KCNG3: variants seen among roughly 807,000 people sequenced by gnomAD.
KCNG3 encodes the protein potassium voltage-gated channel modifier subfamily G member 3.
A neutral mutation model predicts 29.0 loss-of-function variants in KCNG3; 15 were observed. That is an observed-to-expected ratio of 0.52 (90% CI 0.35 to 0.80). KCNG3 has a LOEUF of 0.80. Among genes scored for constraint, KCNG3 ranks in the 30% least tolerant of loss-of-function variants. KCNG3 has a pLI of 0.01. For synonymous variants in KCNG3, 322 were observed against 248.9 expected, an observed-to-expected ratio of 1.29 and a Z score of -2.76; for missense variants, 512 against 605.7, an observed-to-expected ratio of 0.85 and a Z score of 1.62.
intron 1 of KCNG3, among the ~76,000 whole-genome samples, chr2:42,479,002 C>G (rs1207979935): frequency 6.8e-6 from 1 of 147,346 alleles, no homozygotes; most frequent in Non-Finnish European, 1.5e-5. Context: ...CATAATACCA[C>G]TTGAGTATCC....
At chr2:42,396,853 CGTT>C in the KCNG3 span, among the ~76,000 whole-genome samples, 3 of 152,026 alleles carry the variant, frequency 2.0e-5, no homozygotes, top group Admixed American at 2.0e-4. Flanking sequence ...ACAAGTCACT[CGTT>C]GGGGCATGAT....
chr2:42,471,627 A>G (rs886926966), intron 1 of KCNG3, among the ~76,000 whole-genome samples: 3 of 152,184 alleles, frequency 2.0e-5, no homozygotes, highest in African/African-American at 7.2e-5. Context: ...GAAATGGTAA[A>G]TTTTGTTACA....
At chr2:42,445,436 C>A (rs1315703393) in intron 1 of KCNG3, among the ~76,000 whole-genome samples, 1 of 152,084 alleles carries the variant, frequency 6.6e-6, no homozygotes, top group East Asian at 1.9e-4. Flanking sequence ...GATACTGGCA[C>A]CGAGCAAGTT....
At chr2:42,460,558 A>G (rs913275873) in intron 1 of KCNG3, among the ~76,000 whole-genome samples, 14 of 152,200 alleles carry the variant, frequency 9.2e-5, no homozygotes, top group South Asian at 2.1e-4. Context: ...TCAGAAGAAG[A>G]TAAGTTTTTC....
rs145690463 is a variant in KCNG3 at position 42,452,488 on chromosome 2, T to C, written c.666-7909A>G. Among the ~76,000 whole-genome samples the C allele has an allele frequency of 6.5e-3, 984 of 151,914 alleles. 15 individuals carry two copies. The highest frequency in any genetic ancestry group is 0.023 in the African/African-American group (944 of 41,462). Reference sequence around the variant, plus strand: ...TCATTCTTTCTAACTATTTTTTTTTTAACCATTAACCATACCCACTTCCCC... The same window carrying C: ...TCATTCTTTCTAACTATTTTTTTTTCAACCATTAACCATACCCACTTCCCC... On this transcript the variant is annotated intron_variant, in intron 1 of 1. Coordinates refer to ENST00000306078, the MANE Select transcript of KCNG3 (RefSeq NM_133329.6).
intron 1 of KCNG3, among the ~76,000 whole-genome samples, chr2:42,492,629 T>A (rs891804799): frequency 2.6e-5 from 4 of 152,048 alleles, no homozygotes; most frequent in African/African-American, 9.7e-5. Context: ...GTGCGTCTAG[T>A]GTAAGGGCCA....
the KCNG3 span, among the ~76,000 whole-genome samples, chr2:42,410,412 T>C: frequency 2.9e-4 from 44 of 152,316 alleles, 4 homozygotes; most frequent in East Asian, 8.5e-3. Flanking sequence ...AAACAATTTA[T>C]AATCCCATCC....
intron 1 of KCNG3, among the ~76,000 whole-genome samples, chr2:42,458,626 C>T (rs536508240): frequency 6.6e-6 from 1 of 152,270 alleles, no homozygotes; most frequent in East Asian, 1.9e-4. Flanking sequence ...TTTTCTGACT[C>T]CTTTTGGCAT....
the KCNG3 span, among the ~76,000 whole-genome samples, chr2:42,420,261 G>A: frequency 1.3e-5 from 2 of 152,110 alleles, no homozygotes. Flanking sequence ...TAAAATAAAA[G>A]AGGACTCAGT....
intron 1 of KCNG3, among the ~76,000 whole-genome samples, chr2:42,472,538 T>C (rs569824890): frequency 1.6e-3 from 237 of 152,048 alleles, no homozygotes; most frequent in Non-Finnish European, 2.5e-3. Flanking sequence ...CTCACGCTGT[T>C]ACCCAGGCTG....
chr2:42,475,863 C>G (rs1452758294), intron 1 of KCNG3, among the ~76,000 whole-genome samples: 2 of 152,004 alleles, frequency 1.3e-5, no homozygotes, highest in African/African-American at 4.8e-5. Context: ...TCAGGAGTTT[C>G]TGAGACTAGC....
chr2:42,431,261 T>C, the KCNG3 span, among the ~76,000 whole-genome samples: 1 of 152,176 alleles, frequency 6.6e-6, no homozygotes, highest in South Asian at 2.1e-4. Flanking sequence ...TGAATAGTAC[T>C]GAATACATTT....
At chr2:42,420,870 T>C in the KCNG3 span, among the ~76,000 whole-genome samples, 1,930 of 152,218 alleles carry the variant, frequency 0.013, 38 homozygotes, top group African/African-American at 0.043. Context: ...CAACAACCTA[T>C]CAGTTTAGAC....
In KCNG3 at chr2:42,442,697, A is replaced by C. The variant is rs372971921; in HGVS notation, c.*1237T>G. On this transcript the variant is annotated 3_prime_UTR_variant, in exon 2 of 2. Coordinates refer to ENST00000306078, the MANE Select transcript of KCNG3 (RefSeq NM_133329.6). ...ACTTCTTTATGGTAACTGGTTGAAA[A>C]AGCAAAATTCTAATTTCTGTTGCTA... 3.9e-5 allele frequency: 6 copies of C among 152,188 alleles called. No homozygotes were observed. The highest frequency in any genetic ancestry group is 1.9e-4 in the East Asian group (1 of 5,202). The allele number at this position is 152,188 out of a possible 1,614,324, so 9.4% of individuals were successfully genotyped here.
At chr2:42,460,328 G>A (rs1174865015) in intron 1 of KCNG3, among the ~76,000 whole-genome samples, 1 of 152,102 alleles carries the variant, frequency 6.6e-6, no homozygotes, top group Admixed American at 6.5e-5. Flanking sequence ...TCCAGCCTGG[G>A]CAACAAAGCA....
chr2:42,396,187 T>C, the KCNG3 span, among the ~76,000 whole-genome samples: 3 of 152,340 alleles, frequency 2.0e-5, no homozygotes, highest in African/African-American at 4.8e-5. Flanking sequence ...TTCTACTGCA[T>C]GTATATCAGT....
chr2:42,397,259 GA>G, the KCNG3 span, among the ~76,000 whole-genome samples: 1 of 149,228 alleles, frequency 6.7e-6, no homozygotes, highest in East Asian at 2.0e-4. Context: ...AAAAAAAAGA[GA>G]AAAAAAAAGC....
rs901912838 is a variant in KCNG3 at position 42,492,986 on chromosome 2, G to A, written c.516C>T (p.Ile172=). 1 of 1,543,154 alleles carries A rather than the reference G, an allele frequency of 6.5e-7. No homozygotes were observed. The highest frequency in any genetic ancestry group is 8.7e-7 in the Non-Finnish European group (1 of 1,148,408). The stretch of plus-strand genomic sequence containing the variant: ...CGAACACCACCGACACGCTAGCCAG[G>A]ATCTGCGCGGCCAGCGACGACGTGG... ...EEPTSSLAAQ[I]LASVSVVFVI... is the part of the protein sequence containing the mutation. The change falls in exon 1 of 2, where the codon ATC becomes ATT. Residue 172 remains isoleucine (I), a synonymous_variant. Transcript: ENST00000306078.
At chr2:42,433,517 T>A in the KCNG3 span, among the ~76,000 whole-genome samples, 1 of 152,110 alleles carries the variant, frequency 6.6e-6, no homozygotes, top group East Asian at 1.9e-4. Flanking sequence ...GGGGGGCATA[T>A]CACTTGAGGT....
Sources: allele counts gnomAD v4.1 joint callset (sites outside exome capture counted in the v4.1 genomes callset), GRCh38; gene constraint gnomAD v4.1.1; transcripts MANE v1.5; gene names NCBI Gene and HGNC (gene_info 2026-07-23, HGNC 2026-07-21).